The following SASH1 variants were observed in gnomAD, a reference collection of about 807,000 sequenced individuals.
SASH1 encodes the protein SAM and SH3 domain-containing protein 1.
Under a neutral mutation model 125.2 loss-of-function variants are expected in SASH1, and 44 were observed. The observed-to-expected ratio is 0.35, with a 90% CI of 0.28 to 0.45. The LOEUF is 0.45. Ranked by LOEUF, SASH1 falls within the 20% of genes least tolerant of loss-of-function variation. The probability of loss-of-function intolerance (pLI) is 1.00; values close to 1 mark genes in which losing one functional copy is unlikely to be tolerated. For missense variants in SASH1, 1,426 were observed against 1,614.5 expected, an observed-to-expected ratio of 0.88 and a Z score of 2.00; for synonymous variants, 639 against 649.1, an observed-to-expected ratio of 0.98 and a Z score of 0.24.
intron 17 of SASH1, 151 bp from the exon 18 acceptor site, chr6:148,543,529 C>T (rs533033842): frequency 3.2e-5 from 19 of 603,026 alleles, no homozygotes; most frequent in Middle Eastern, 6.5e-4. Context: ...CTCTATCACC[C>T]GATGTCATAA....
chr6:148,532,844 A>G lies in SASH1; in HGVS notation c.1612A>G (p.Ser538Gly), dbSNP rs1487389172. 1.2e-6 allele frequency: 2 copies of G among 1,614,222 alleles called. No homozygotes were observed. The highest frequency in any genetic ancestry group is 2.2e-5 in the East Asian group (1 of 44,880). ...TGATTCCTCAACCAGCAACCGGGAA[A>G]GCGTCAAGTCGGAAGATGGGGATGA... Reference protein sequence around the residue: ...TTDSSTSNRESVKSEDGDDEE... With the variant: ...TTDSSTSNREGVKSEDGDDEE... The change falls in exon 14 of 20, where the codon AGC (serine) becomes GGC (glycine). Residue 538 changes from serine (S) to glycine (G), a missense_variant. By Grantham distance (56) the Ser-to-Gly change is moderately conservative. Transcript: ENST00000367467. This position sits in a 1 kb window ranked among gnomAD's most constrained non-coding sequence, Gnocchi z 4.7.
At chr6:148,302,682 G>A (rs966026479) in intron 1 of SASH1, among the ~76,000 whole-genome samples, 10 of 10,800 alleles carry the variant, frequency 9.3e-4, no homozygotes, top group Admixed American at 2.2e-3. Flanking sequence ...CACACACACG[G>A]AGAAATATAT....
At chr6:148,298,992 C>T (rs1054842693) in intron 1 of SASH1, among the ~76,000 whole-genome samples, 1 of 152,076 alleles carries the variant, frequency 6.6e-6, no homozygotes, top group African/African-American at 2.4e-5. Context: ...TCTCTTCAGT[C>T]AAAATATCAT....
At chr6:148,234,826 T>A in the SASH1 span, among the ~76,000 whole-genome samples, 4 of 147,616 alleles carry the variant, frequency 2.7e-5, no homozygotes. Flanking sequence ...AAACTCCGTT[T>A]CAGAAAAAAA....
the SASH1 span, among the ~76,000 whole-genome samples, chr6:148,229,278 T>A: frequency 1.3e-5 from 2 of 152,136 alleles, no homozygotes; most frequent in Non-Finnish European, 2.9e-5. Context: ...AGAATTGCCC[T>A]GGCTTAACAA....
chr6:148,312,355 G>A (rs1249692642), intron 1 of SASH1, among the ~76,000 whole-genome samples: 1 of 152,182 alleles, frequency 6.6e-6, no homozygotes, highest in Non-Finnish European at 1.5e-5. Context: ...CAAAAACCAT[G>A]AAGGTGGTCA....
chr6:148,313,608 C>T (rs569349477), intron 1 of SASH1, among the ~76,000 whole-genome samples: 2 of 152,266 alleles, frequency 1.3e-5, no homozygotes, highest in African/African-American at 4.8e-5. Context: ...TTTTACCCTT[C>T]CACTGCCCCC....
rs375955012 is a variant in SASH1, at chr6:148,492,975, A to C, written c.729+5260A>C. Among the ~76,000 whole-genome samples, 13 of 152,340 alleles carry C rather than the reference A, an allele frequency of 8.5e-5. No homozygotes were observed. The East Asian group carries it at 2.5e-3, about 29-fold the overall frequency. ...TTCTTCATAGATGGCCCGCAAATAAATTCAGCCTGTCTTAGTTAGACCTAG... is the reference window on the plus strand; with the variant it reads ...TTCTTCATAGATGGCCCGCAAATAACTTCAGCCTGTCTTAGTTAGACCTAG... On this transcript the variant is annotated intron_variant, in intron 8 of 19. Transcript: ENST00000367467.
chr6:148,387,402 G>A (rs1031008098), intron 1 of SASH1, among the ~76,000 whole-genome samples: 2 of 151,416 alleles, frequency 1.3e-5, no homozygotes, highest in African/African-American at 2.4e-5. Flanking sequence ...GTGAGCCACC[G>A]CACCCGGCCC....
In SASH1 at chr6:148,544,839, A is replaced by G. The variant is rs1213437714; in HGVS notation, c.3348+21A>G. On this transcript the variant is annotated intron_variant, in intron 18 of 19. Coordinates refer to ENST00000367467, the MANE Select transcript of SASH1 (RefSeq NM_015278.5). The surrounding 1 kb of genome is among the most constrained non-coding windows in gnomAD (Gnocchi z 6.4). The stretch of plus-strand genomic sequence containing the variant: ...ATAAGGTATCAAAGGTCCTGGGCCC[A>G]CCACGTTCACAGGCCTTTGTTTGTA... The G allele has an allele frequency of 1.9e-6, 3 of 1,542,796 alleles. No individual in the cohort carries two copies. Among genetic ancestry groups the G allele is most frequent in the Non-Finnish European group, 2.6e-6 (3 of 1,142,868 alleles).
At chr6:148,224,693 C>T in the SASH1 span, among the ~76,000 whole-genome samples, 1 of 152,058 alleles carries the variant, frequency 6.6e-6, no homozygotes, top group South Asian at 2.1e-4. Flanking sequence ...TTATTTAGCT[C>T]TTTAGCAGTT....
At chr6:148,512,759 A>G (rs905652033) in intron 8 of SASH1, 1 of 984,916 alleles carries the variant, frequency 1.0e-6, no homozygotes, top group African/African-American at 1.7e-5. Context: ...TGACACTTGC[A>G]GGCAACATTT....
the SASH1 span, among the ~76,000 whole-genome samples, chr6:148,253,821 G>A: frequency 2.6e-5 from 4 of 152,236 alleles, no homozygotes; most frequent in East Asian, 7.7e-4. Context: ...GCAGGGAACT[G>A]AGATCGCACC....
intron 1 of SASH1, among the ~76,000 whole-genome samples, chr6:148,361,044 C>T (rs577813677): frequency 2.2e-4 from 33 of 152,266 alleles, no homozygotes; most frequent in African/African-American, 7.9e-4. Context: ...TAAAGACACC[C>T]ACAGAGAACA....
chr6:148,456,801 G>A (rs1777372962), intron 4 of SASH1, among the ~76,000 whole-genome samples: 1 of 151,458 alleles, frequency 6.6e-6, no homozygotes, highest in Non-Finnish European at 1.5e-5. Flanking sequence ...GGAGGTTGTG[G>A]CTGCAGTGAG....
chr6:148,445,717 G>A (rs911625936), intron 4 of SASH1, among the ~76,000 whole-genome samples: 2 of 152,170 alleles, frequency 1.3e-5, no homozygotes, highest in Non-Finnish European at 2.9e-5. Flanking sequence ...CGAAGAGAGG[G>A]AAGAAGGCAG....
chr6:148,336,271 G>C (rs762337274), intron 1 of SASH1, among the ~76,000 whole-genome samples: 1 of 147,376 alleles, frequency 6.8e-6, no homozygotes, highest in Non-Finnish European at 1.5e-5. Flanking sequence ...TACCTACCTG[G>C]TTCAAGAGAT....
At chr6:148,334,783 G>C (rs575172531) in intron 1 of SASH1, among the ~76,000 whole-genome samples, 8 of 151,628 alleles carry the variant, frequency 5.3e-5, no homozygotes, top group Non-Finnish European at 7.4e-5. Context: ...CTGCACTCCA[G>C]CCTGGGCAAC....
chr6:148,292,727 C>T (rs1582925088), intron 1 of SASH1, among the ~76,000 whole-genome samples: 1 of 152,074 alleles, frequency 6.6e-6, no homozygotes, highest in South Asian at 2.1e-4. Flanking sequence ...TTCCATTGAT[C>T]GTAGGTTCAA....
Sources: gnomAD v4.1 joint callset for allele counts (sites outside exome capture counted in the v4.1 genomes callset) on GRCh38, gnomAD v4.1.1 for gene constraint, Gnocchi (gnomAD v3.1) non-coding constraint, MANE v1.5 for transcripts, NCBI Gene and HGNC (gene_info 2026-07-23, HGNC 2026-07-21) for gene names.